NRXN3: variants seen among roughly 807,000 people sequenced by gnomAD.
The protein encoded by NRXN3 is neurexin III.
A neutral mutation model predicts 137.6 loss-of-function variants in NRXN3; 32 were observed. The ratio of observed to expected loss-of-function variants is 0.23; its 90% confidence interval spans 0.18 to 0.31. The LOEUF (loss-of-function observed/expected upper bound fraction) is 0.31, where lower values mean the gene tolerates loss of function less well. Among genes scored for constraint, NRXN3 ranks in the 10% least tolerant of loss-of-function variants. The probability of loss-of-function intolerance (pLI) is 1.00; values close to 1 mark genes in which losing one functional copy is unlikely to be tolerated. For missense variants in NRXN3, 1,574 were observed against 2,062.5 expected, an observed-to-expected ratio of 0.76 and a Z score of 4.59; for synonymous variants, 798 against 784.5, an observed-to-expected ratio of 1.02 and a Z score of -0.29.
chr14:79,789,554 A>C (rs537515192), intron 19 of NRXN3, among the ~76,000 whole-genome samples: 1 of 152,234 alleles, frequency 6.6e-6, no homozygotes, highest in South Asian at 2.1e-4. Flanking sequence ...GTTCTTGATG[A>C]TATGCTAAAC....
At chr14:79,171,582 G>A (rs2061783896) in intron 15 of NRXN3, among the ~76,000 whole-genome samples, 2 of 151,936 alleles carry the variant, frequency 1.3e-5, no homozygotes, top group Admixed American at 1.3e-4. Context: ...GGAATGCAGG[G>A]AAAAAAATTC....
chr14:79,322,701 G>A (rs2153275384), intron 15 of NRXN3, among the ~76,000 whole-genome samples: 1 of 152,304 alleles, frequency 6.6e-6, no homozygotes, highest in African/African-American at 2.4e-5. Context: ...GTTTAGGAAA[G>A]ATTTGTTTTG....
intron 20 of NRXN3, among the ~76,000 whole-genome samples, chr14:79,831,810 G>A (rs918642567): frequency 1.3e-5 from 2 of 152,146 alleles, no homozygotes; most frequent in African/African-American, 4.8e-5. Flanking sequence ...CAGTTTTGCA[G>A]TTCAGAACTT....
intron 15 of NRXN3, among the ~76,000 whole-genome samples, chr14:79,269,136 G>A (rs1385354009): frequency 6.6e-6 from 1 of 151,984 alleles, no homozygotes; most frequent in African/African-American, 2.4e-5. Context: ...TGCAAGCTCC[G>A]CCTCCCGGGT....
At chr14:79,133,903 T>C (rs559332877) in intron 15 of NRXN3, among the ~76,000 whole-genome samples, 24 of 146,342 alleles carry the variant, frequency 1.6e-4, no homozygotes, top group Middle Eastern at 3.5e-3. Flanking sequence ...CACTCCAGCT[T>C]GGGCGACAGA....
rs149573950 is a variant in NRXN3, at chr14:78,234,055, G to T, written c.-703-8336G>T. On this transcript the variant is annotated intron_variant, in intron 1 of 20. Coordinates refer to ENST00000335750, the MANE Select transcript of NRXN3 (RefSeq NM_001330195.2). ...ATAGTGAGTAGGTCTCATGAGATAT[G>T]ATGGTTTTATAAAGAGGAGTTCCCC... Among the ~76,000 whole-genome samples the T allele has an allele frequency of 6.4e-3, 970 of 152,332 alleles. 11 individuals are homozygous for T. Among genetic ancestry groups the T allele is most frequent in the African/African-American group, 0.022 (934 of 41,574 alleles).
At chr14:79,589,091 C>CA (rs1266682055) in intron 16 of NRXN3, among the ~76,000 whole-genome samples, 8 of 152,024 alleles carry the variant, frequency 5.3e-5, no homozygotes, top group Non-Finnish European at 8.8e-5. Flanking sequence ...CCAATCTCTA[C>CA]AAAAAATATA....
chr14:78,240,206 G>C (rs570231781), intron 1 of NRXN3, among the ~76,000 whole-genome samples: 1 of 152,310 alleles, frequency 6.6e-6, no homozygotes, highest in South Asian at 2.1e-4. Context: ...TCTCAGCTGA[G>C]CATCCCTTGA....
intron 4 of NRXN3, among the ~76,000 whole-genome samples, chr14:78,642,525 G>A (rs1277515232): frequency 6.6e-6 from 1 of 152,150 alleles, no homozygotes; most frequent in African/African-American, 2.4e-5. Flanking sequence ...TCTCAGTTCA[G>A]TGGGCACACA....
intron 4 of NRXN3, among the ~76,000 whole-genome samples, chr14:78,458,110 T>A (rs1485323131): frequency 2.0e-5 from 3 of 152,228 alleles, no homozygotes; most frequent in Non-Finnish European, 4.4e-5. Context: ...TATCCTGGAA[T>A]GTCTCTGGGG....
chr14:79,405,288 G>A (rs1042758150), intron 15 of NRXN3, among the ~76,000 whole-genome samples: 1 of 152,142 alleles, frequency 6.6e-6, no homozygotes, highest in Non-Finnish European at 1.5e-5. Flanking sequence ...AAGGCCATTA[G>A]CTTAAATGGG....
At chr14:78,663,567 G>A (rs2097857441) in intron 6 of NRXN3, among the ~76,000 whole-genome samples, 2 of 152,154 alleles carry the variant, frequency 1.3e-5, no homozygotes, top group Non-Finnish European at 1.5e-5. Context: ...GTTTCTTTTT[G>A]TTCCAGCCTA....
chr14:78,793,464 T>C (rs979274666), intron 8 of NRXN3, among the ~76,000 whole-genome samples: 2 of 152,178 alleles, frequency 1.3e-5, no homozygotes, highest in Non-Finnish European at 1.5e-5. Flanking sequence ...TTTATGAGTA[T>C]GGTTTATTAC....
At chr14:79,748,992 C>T (rs1323661995) in intron 19 of NRXN3, among the ~76,000 whole-genome samples, 2 of 151,706 alleles carry the variant, frequency 1.3e-5, no homozygotes, top group East Asian at 1.9e-4. Flanking sequence ...CCGAAAGAAG[C>T]TGATGGTATT....
At chr14:78,345,204 A>G (rs887256956) in intron 4 of NRXN3, among the ~76,000 whole-genome samples, 5 of 152,160 alleles carry the variant, frequency 3.3e-5, no homozygotes, top group Admixed American at 6.5e-5. Context: ...TTCATAGCCA[A>G]TTGTTTTAAC....
At chr14:78,190,415 C>G (rs2060607078) in intron 1 of NRXN3, among the ~76,000 whole-genome samples, 1 of 152,164 alleles carries the variant, frequency 6.6e-6, no homozygotes, top group African/African-American at 2.4e-5. Context: ...CCAGAAAGAA[C>G]CACTGTGACA....
At chr14:79,358,604 A>AG (rs2093536089) in intron 15 of NRXN3, among the ~76,000 whole-genome samples, 1 of 102,748 alleles carries the variant, frequency 9.7e-6, no homozygotes, top group Non-Finnish European at 2.0e-5. Context: ...AGAAAGAAAG[A>AG]AAGAGAAAGA....
chr14:78,591,458 TG>T (rs770017581), intron 4 of NRXN3, among the ~76,000 whole-genome samples: 243 of 152,264 alleles, frequency 1.6e-3, no homozygotes, highest in Non-Finnish European at 2.8e-3. Context: ...AGTGTAGACC[TG>T]AGCTCTAGCC....
chr14:78,358,262 T>A (rs1451157371), intron 4 of NRXN3, among the ~76,000 whole-genome samples: 1 of 152,186 alleles, frequency 6.6e-6, no homozygotes, highest in Non-Finnish European at 1.5e-5. Context: ...CTAAGTGTGG[T>A]TGTAAGTACC....
Sources: gnomAD v4.1 joint callset for allele counts (sites outside exome capture counted in the v4.1 genomes callset) on GRCh38, gnomAD v4.1.1 for gene constraint, MANE v1.5 for transcripts, NCBI Gene and HGNC (gene_info 2026-07-23, HGNC 2026-07-21) for gene names.